SUGCT: variants seen among roughly 807,000 people sequenced by gnomAD.
SUGCT encodes the protein succinyl-CoA:glutarate CoA-transferase.
In SUGCT, 41 loss-of-function variants were observed where a neutral mutation model predicts 55.0. The observed-to-expected ratio is 0.74, with a 90% CI of 0.58 to 0.97. The LOEUF (loss-of-function observed/expected upper bound fraction) is 0.97. Among genes scored for constraint, SUGCT ranks in the 50% least tolerant of loss-of-function variants. The pLI is 0.00. For missense variants in SUGCT, 568 were observed against 547.8 expected (o/e 1.04, Z -0.37); for synonymous variants, 187 against 200.4 (o/e 0.93, Z 0.56).
intron 12 of SUGCT, among the ~76,000 whole-genome samples, chr7:40,628,342 AG>A (rs1268801817): frequency 6.6e-6 from 1 of 152,244 alleles, no homozygotes; most frequent in Admixed American, 6.5e-5. Context: ...ATTTAGCACC[AG>A]TCCAGTGATT....
chr7:40,371,155 C>T (rs1784277713), intron 9 of SUGCT, among the ~76,000 whole-genome samples: 1 of 152,114 alleles, frequency 6.6e-6, no homozygotes, highest in African/African-American at 2.4e-5. Context: ...TCATCTGTTT[C>T]TTACCCAATT....
chr7:40,142,233 T>C (rs1275136178), intron 1 of SUGCT, among the ~76,000 whole-genome samples: 5 of 152,116 alleles, frequency 3.3e-5, no homozygotes, highest in Admixed American at 6.6e-5. Context: ...GTAGAGCAGA[T>C]AATTGAAAAA....
chr7:40,675,338 C>CTGACCCCAG (rs1783916917), intron 12 of SUGCT, among the ~76,000 whole-genome samples: 1 of 152,178 alleles, frequency 6.6e-6, no homozygotes, highest in Non-Finnish European at 1.5e-5. Flanking sequence ...GGGTTACAGG[C>CTGACCCCAG]GTGAGTCACC....
chr7:40,900,269 T>C, the SUGCT span, among the ~76,000 whole-genome samples: 1 of 152,248 alleles, frequency 6.6e-6, no homozygotes, highest in Non-Finnish European at 1.5e-5. Context: ...CAGCTATTTC[T>C]TTCCCTCTGG....
intron 6 of SUGCT, among the ~76,000 whole-genome samples, chr7:40,199,205 G>A (rs531666699): frequency 2.6e-5 from 4 of 152,142 alleles, no homozygotes; most frequent in Non-Finnish European, 5.9e-5. Flanking sequence ...TATTGCTGAT[G>A]AGAGTAATCT....
rs559105133 is a variant in SUGCT at position 40,633,585 on chromosome 7, A to G, written c.1090-115849A>G. Among the ~76,000 whole-genome samples the G allele has an allele frequency of 3.9e-5, 6 of 152,338 alleles. No individual in the cohort carries two copies. In the East Asian group the frequency reaches 1.2e-3, roughly 29 times the overall value. ...TTTAGCAGGTGCTTGGTACAAAATC[A>G]AGCAATCAGGTCTTATCTTTGAAAA... On this transcript the variant is annotated intron_variant, in intron 12 of 13. Transcript: ENST00000335693.
At chr7:40,857,856 T>C (rs1256723152) in intron 13 of SUGCT, among the ~76,000 whole-genome samples, 10 of 152,188 alleles carry the variant, frequency 6.6e-5, no homozygotes, top group Admixed American at 6.5e-4. Context: ...GAGAAGCTGC[T>C]TGATCACTTT....
At chr7:40,985,403 G>A in the SUGCT span, among the ~76,000 whole-genome samples, 1 of 152,166 alleles carries the variant, frequency 6.6e-6, no homozygotes, top group African/African-American at 2.4e-5. Context: ...GAAAATGCTG[G>A]TGATGGAAAT....
chr7:41,022,305 A>C, the SUGCT span, among the ~76,000 whole-genome samples: 66 of 152,316 alleles, frequency 4.3e-4, no homozygotes, highest in African/African-American at 1.5e-3. Flanking sequence ...CAAAGTACTT[A>C]CTAACTTTAT....
chr7:40,681,150 A>T (rs1186575342), intron 12 of SUGCT, among the ~76,000 whole-genome samples: 3 of 152,096 alleles, frequency 2.0e-5, no homozygotes, highest in East Asian at 1.9e-4. Flanking sequence ...TGTCTTTTTT[A>T]TGCTAATGAG....
the SUGCT span, among the ~76,000 whole-genome samples, chr7:41,003,747 T>C: frequency 6.6e-6 from 1 of 152,208 alleles, no homozygotes; most frequent in Non-Finnish European, 1.5e-5. Flanking sequence ...CAAGCAATGC[T>C]GCCTCATCCG....
At chr7:40,572,250 C>A (rs1254440425) in intron 12 of SUGCT, among the ~76,000 whole-genome samples, 1 of 152,104 alleles carries the variant, frequency 6.6e-6, no homozygotes, top group African/African-American at 2.4e-5. Context: ...TGTAAAAATT[C>A]AGGGGGGAAA....
intron 12 of SUGCT, among the ~76,000 whole-genome samples, chr7:40,586,171 T>C (rs1797367563): frequency 1.3e-5 from 2 of 152,156 alleles, no homozygotes; most frequent in African/African-American, 4.8e-5. Flanking sequence ...TAATTATTAG[T>C]TTTTCCTGTT....
the SUGCT span, among the ~76,000 whole-genome samples, chr7:40,944,716 T>C: frequency 6.6e-6 from 1 of 152,212 alleles, no homozygotes; most frequent in African/African-American, 2.4e-5. Context: ...CCTCCAGCTT[T>C]GTTCTTTTGG....
chr7:40,502,735 G>A (rs150178115), intron 12 of SUGCT, among the ~76,000 whole-genome samples: 1 of 152,036 alleles, frequency 6.6e-6, no homozygotes, highest in Non-Finnish European at 1.5e-5. Context: ...ATGTTGGCGG[G>A]ATCAAGCTAG....
At chr7:40,542,247 A>G (rs1448328918) in intron 12 of SUGCT, among the ~76,000 whole-genome samples, 3 of 148,916 alleles carry the variant, frequency 2.0e-5, no homozygotes, top group Admixed American at 6.6e-5. Flanking sequence ...AACCATCGTC[A>G]TCATCATCAT....
At chr7:40,952,121 A>G in the SUGCT span, among the ~76,000 whole-genome samples, 1 of 152,150 alleles carries the variant, frequency 6.6e-6, no homozygotes, top group East Asian at 1.9e-4. Context: ...GACTTGCTTT[A>G]TGAATCTGGG....
intron 13 of SUGCT, among the ~76,000 whole-genome samples, chr7:40,771,644 A>G (rs1016451607): frequency 3.3e-5 from 5 of 152,148 alleles, no homozygotes; most frequent in African/African-American, 1.2e-4. Context: ...TAGGTCTTCC[A>G]TTTTTCTTAC....
chr7:40,703,988 G>T (rs1375221682), intron 12 of SUGCT, among the ~76,000 whole-genome samples: 1 of 152,230 alleles, frequency 6.6e-6, no homozygotes, highest in African/African-American at 2.4e-5. Context: ...GAGGAGACTT[G>T]TACGGTGGAT....
Sources: gnomAD v4.1 joint callset for allele counts (sites outside exome capture counted in the v4.1 genomes callset) on GRCh38, gnomAD v4.1.1 for gene constraint, MANE v1.5 for transcripts, NCBI Gene and HGNC (gene_info 2026-07-23, HGNC 2026-07-21) for gene names.